TNFRSF9: variants seen among roughly 807,000 people sequenced by gnomAD.
The protein encoded by TNFRSF9 is TNF receptor superfamily member 9, also known as tumor necrosis factor receptor superfamily member 9.
TNFRSF9 carries 16 observed loss-of-function variants against 28.8 expected under a neutral mutation model. The observed-to-expected ratio is 0.55, with a 90% CI of 0.38 to 0.84. TNFRSF9 has a LOEUF of 0.84. Ranked by LOEUF, TNFRSF9 falls within the 40% of genes least tolerant of loss-of-function variation. TNFRSF9 has a pLI of 0.00. For missense variants in TNFRSF9, 303 were observed against 315.0 expected (o/e 0.96, Z 0.29); for synonymous variants, 131 against 117.0 (o/e 1.12, Z -0.77).
intron 7 of TNFRSF9, among the ~76,000 whole-genome samples, chr1:7,922,834 G>A (rs939965931): frequency 6.6e-6 from 1 of 150,774 alleles, no homozygotes; most frequent in African/African-American, 2.4e-5. Flanking sequence ...AAAAAACTAA[G>A]AGGAGCTTGT....
At chr1:7,922,601 C>A (rs1307107694) in intron 7 of TNFRSF9, among the ~76,000 whole-genome samples, 1 of 152,114 alleles carries the variant, frequency 6.6e-6, no homozygotes, top group Non-Finnish European at 1.5e-5. Context: ...CATCTGAGGT[C>A]AGGATTTCGA....
In TNFRSF9 at chr1:7,920,895, T is replaced by G. The variant is rs751542955; in HGVS notation, c.708A>C (p.Gln236His). Residue 236 changes from glutamine (Q) to histidine (H), a missense_variant, in exon 8 of 8, where the codon CAA becomes CAC. Gln to His is a conservative substitution (Grantham distance 24, BLOSUM62 0). Coordinates refer to ENST00000377507, the MANE Select transcript of TNFRSF9 (RefSeq NM_001561.6). ...QPFMRPVQTT[Q>H]EEDGCSCRFP... ...ATCGGCAGCTACAGCCATCTTCCTC[T>G]TGAGTAGTTTGTACTGGTCTCATAA... 6.2e-7 allele frequency: 1 copy of G among 1,614,076 alleles called. No individual in the cohort carries two copies. The highest frequency in any genetic ancestry group is 8.5e-7 in the Non-Finnish European group (1 of 1,179,978).
Position 7,916,678 on chromosome 1 carries a change from G to A in TNFRSF9, c.*4157C>T, listed in dbSNP as rs1054877671. On this transcript the variant is annotated 3_prime_UTR_variant, in exon 8 of 8. Transcript: ENST00000377507. The stretch of plus-strand genomic sequence containing the variant: ...ATGATTCAGAAAGACAAAAATATTC[G>A]CACCTAGCTTTGTTCCTGAAATGGC... 1 of 152,060 alleles carries A rather than the reference G, an allele frequency of 6.6e-6. No homozygotes were observed. The highest frequency in any genetic ancestry group is 1.5e-5 in the Non-Finnish European group (1 of 68,016). 9.4% of individuals were successfully genotyped at this position (152,060 alleles called of 1,614,324 possible). A position where few individuals can be genotyped will look rare whatever the true frequency, so the allele number is the denominator to read the frequency against.
At chr1:7,931,398 G>A (rs1639729136) in intron 7 of TNFRSF9, among the ~76,000 whole-genome samples, 1 of 152,138 alleles carries the variant, frequency 6.6e-6, no homozygotes, top group Non-Finnish European at 1.5e-5. Context: ...TACTAGAATA[G>A]GTGAACAATG....
Position 7,917,969 on chromosome 1 carries a change from T to G in TNFRSF9, c.*2866A>C, listed in dbSNP as rs181351861. On this transcript the variant is annotated 3_prime_UTR_variant, in exon 8 of 8. Transcript: ENST00000377507. ...AAATTACAAAGGATATATATATATA[T>G]ATATATAGATATAGATAGATAGATA... 133 of 135,954 alleles carry G rather than the reference T, an allele frequency of 9.8e-4. 1 individual carries two copies. Among genetic ancestry groups the G allele is most frequent in the African/African-American group, 3.7e-3 (112 of 29,990 alleles). The allele number at this position is 135,954 out of a possible 1,614,324, so 8.4% of individuals were successfully genotyped here.
Position 7,918,523 on chromosome 1 carries a change from C to G in TNFRSF9, c.*2312G>C, listed in dbSNP as rs1343661248. ...CTGGGACTTCAGGTGCACACCACCA[C>G]ACCCGGCTAATTTTTGTATTTTTTG... On this transcript the variant is annotated 3_prime_UTR_variant, in exon 8 of 8. Coordinates refer to ENST00000377507, the MANE Select transcript of TNFRSF9 (RefSeq NM_001561.6). 1 of 152,126 alleles carries G rather than the reference C, an allele frequency of 6.6e-6. No individual in the cohort carries two copies. The highest frequency in any genetic ancestry group is 1.5e-5 in the Non-Finnish European group (1 of 68,074). The allele number at this position is 152,126 out of a possible 1,614,324, so 9.4% of individuals were successfully genotyped here.
rs1483132806 is a variant in TNFRSF9, at chr1:7,938,300, G to A, written c.239C>T (p.Ser80Phe). 1 of 1,609,302 alleles carries A rather than the reference G, an allele frequency of 6.2e-7. No homozygotes were observed. Among genetic ancestry groups the A allele is most frequent in the East Asian group, 2.2e-5 (1 of 44,562 alleles). The change falls in exon 4 of 8, where the codon TCC (serine) becomes TTC (phenylalanine). Residue 80 changes from serine to phenylalanine, a missense_variant. Physicochemically the swap from Ser to Phe is radical, Grantham distance 155 (BLOSUM62 -2). Transcript: ENST00000377507. ...GCAGTCACACTCTGCATTGCTGGTG[G>A]AGGAACACTCCTTCCTGGTCCTGAA... ...GVFRTRKECS[S>F]TSNAECDCTP...
In TNFRSF9 at chr1:7,916,788, C is replaced by T. The variant is rs1406974214; in HGVS notation, c.*4047G>A. 1 of 152,162 alleles carries T rather than the reference C, an allele frequency of 6.6e-6. No homozygotes were observed. The highest frequency in any genetic ancestry group is 1.5e-5 in the Non-Finnish European group (1 of 68,038). 9.4% of individuals were successfully genotyped at this position (152,162 alleles called of 1,614,324 possible). On this transcript the variant is annotated 3_prime_UTR_variant, in exon 8 of 8. Transcript: ENST00000377507. ...AATTGTTCTCTTATTCTTATTGGAA[C>T]ACCAGATGACTCAATTCTGTAAAAT...
In TNFRSF9 at chr1:7,920,051, A is replaced by G. The variant is rs1018311604; in HGVS notation, c.*784T>C. On this transcript the variant is annotated 3_prime_UTR_variant, in exon 8 of 8. Transcript: ENST00000377507. ...TTTGTCCTTGACCCTAAACTCAGGC[A>G]CTCTGCTCATACTCCCCCCTGACGG... is the stretch of plus-strand genomic sequence containing the variant. 2.0e-5 allele frequency: 3 copies of G among 152,102 alleles called. No individual in the cohort carries two copies. The highest frequency in any genetic ancestry group is 7.3e-5 in the African/African-American group (3 of 41,344). The allele number at this position is 152,102 out of a possible 1,614,324, so 9.4% of individuals were successfully genotyped here.
In TNFRSF9 at chr1:7,920,943, A is replaced by G. The variant is rs747466152; in HGVS notation, c.680-20T>C. The G allele has an allele frequency of 2.0e-6, 3 of 1,536,918 alleles. No homozygotes were observed. The highest frequency in any genetic ancestry group is 1.1e-5 in the South Asian group (1 of 88,344). ...TAAATGCTAAAAAAAAAATTTTAAGATACGTATATTTTGTTGTCTATTTGA... is the reference window on the plus strand; with the variant it reads ...TAAATGCTAAAAAAAAAATTTTAAGGTACGTATATTTTGTTGTCTATTTGA... On this transcript the variant is annotated intron_variant, in intron 7 of 7. Transcript: ENST00000377507.
intron 7 of TNFRSF9, among the ~76,000 whole-genome samples, chr1:7,925,111 C>G (rs1441106463): frequency 6.6e-6 from 1 of 151,914 alleles, no homozygotes; most frequent in African/African-American, 2.4e-5. Context: ...CTCAGGAGTT[C>G]GAGACCAGCC....
intron 7 of TNFRSF9, among the ~76,000 whole-genome samples, chr1:7,928,869 A>G (rs895432766): frequency 6.6e-6 from 1 of 152,156 alleles, no homozygotes; most frequent in Non-Finnish European, 1.5e-5. Flanking sequence ...ACACAGGGAG[A>G]TCCTGTCTCA....
intron 5 of TNFRSF9, among the ~76,000 whole-genome samples, chr1:7,935,984 C>T (rs1470558024): frequency 1.3e-5 from 2 of 152,152 alleles, no homozygotes; most frequent in Non-Finnish European, 2.9e-5. Flanking sequence ...ATCATTGTTG[C>T]TGTTGTTGTG....
At chr1:7,934,249 TG>T (rs1225648121) in intron 6 of TNFRSF9, among the ~76,000 whole-genome samples, 1 of 151,058 alleles carries the variant, frequency 6.6e-6, no homozygotes, top group African/African-American at 2.4e-5. Context: ...TAGTGGTGAG[TG>T]CCTATAGTCC....
chr1:7,918,819 G>A lies in TNFRSF9; in HGVS notation c.*2016C>T, dbSNP rs758509597. 6.6e-6 allele frequency: 1 copy of A among 152,124 alleles called. No individual in the cohort carries two copies. The highest frequency in any genetic ancestry group is 1.5e-5 in the Non-Finnish European group (1 of 68,028). The allele number at this position is 152,124 out of a possible 1,614,324, so 9.4% of individuals were successfully genotyped here. A position where few individuals can be genotyped will look rare whatever the true frequency, so the allele number is the denominator to read the frequency against. On this transcript the variant is annotated 3_prime_UTR_variant, in exon 8 of 8. Coordinates refer to ENST00000377507, the MANE Select transcript of TNFRSF9 (RefSeq NM_001561.6). The stretch of plus-strand genomic sequence containing the variant: ...AGTGAGATCTCATTCTATACCCACT[G>A]GCTTGGCAAAATTAAGGGCACCTGA...
At chr1:7,935,628 C>T (rs1280545693) in intron 5 of TNFRSF9, among the ~76,000 whole-genome samples, 1 of 152,096 alleles carries the variant, frequency 6.6e-6, no homozygotes, top group Non-Finnish European at 1.5e-5. Context: ...GCGTTGGAGA[C>T]CAGCCTGAGC....
At chr1:7,939,821 G>T in intron 2 of TNFRSF9, 74 bp downstream of exon 2, 1 of 1,160,238 alleles carries the variant, frequency 8.6e-7, no homozygotes, top group Non-Finnish European at 1.2e-6. Flanking sequence ...GAGCTCGTTA[G>T]CCCTGACTAC....
In TNFRSF9 at chr1:7,916,161, G is replaced by A. The variant is rs1039513923; in HGVS notation, c.*4674C>T. The A allele has an allele frequency of 2.0e-5, 3 of 152,070 alleles. No individual in the cohort carries two copies. Among genetic ancestry groups the A allele is most frequent in the African/African-American group, 7.2e-5 (3 of 41,394 alleles). The allele number at this position is 152,070 out of a possible 1,614,324, so 9.4% of individuals were successfully genotyped here. A position where few individuals can be genotyped will look rare whatever the true frequency, so the allele number is the denominator to read the frequency against. ...AAACTTTCTTCTGAAAAAAACCTGA[G>A]CTTGTTTTTAGCATTTAGAAAATGA... On this transcript the variant is annotated 3_prime_UTR_variant, in exon 8 of 8. Coordinates refer to ENST00000377507, the MANE Select transcript of TNFRSF9 (RefSeq NM_001561.6).
intron 5 of TNFRSF9, 91 bp downstream of exon 5, chr1:7,937,599 G>T: frequency 3.9e-6 from 4 of 1,030,932 alleles, no homozygotes; most frequent in Non-Finnish European, 4.5e-6. Context: ...CACTTGATGG[G>T]TGCAAAAAAG....
Sources: allele counts gnomAD v4.1 joint callset (sites outside exome capture counted in the v4.1 genomes callset), GRCh38; gene constraint gnomAD v4.1.1; transcripts MANE v1.5; gene names NCBI Gene and HGNC (gene_info 2026-07-23, HGNC 2026-07-21).